The following BET1 variants were observed in gnomAD, a reference collection of about 807,000 sequenced individuals.
BET1 encodes the protein Bet1 golgi vesicular membrane trafficking protein.
Under a neutral mutation model 13.9 loss-of-function variants are expected in BET1, and 9 were observed. The observed-to-expected ratio is 0.65, with a 90% CI of 0.39 to 1.13. BET1 has a LOEUF of 1.13. Ranked by LOEUF, BET1 falls within the 50% of genes most tolerant of loss-of-function variation. BET1 has a pLI of 0.01. For synonymous variants in BET1, 39 were observed against 47.3 expected (o/e 0.82, Z 0.72); for missense variants, 127 against 133.6 (o/e 0.95, Z 0.24).
chr7:93,970,825 G>C (rs1056391224), intron 6 of BET1, among the ~76,000 whole-genome samples: 3 of 151,670 alleles, frequency 2.0e-5, no homozygotes, highest in African/African-American at 7.3e-5. Context: ...CAACCATTTA[G>C]TTTTTTTCTT....
exon 7 of BET1, chr7:93,965,614 T>G (rs1447153827): frequency 6.6e-6 from 1 of 152,036 alleles, no homozygotes; most frequent in Non-Finnish European, 1.5e-5. Context: ...AACAGATTCT[T>G]GAATAGAGTT....
exon 7 of BET1, chr7:93,965,550 G>A (rs1188309567): frequency 6.6e-6 from 1 of 152,004 alleles, no homozygotes; most frequent in Non-Finnish European, 1.5e-5. Flanking sequence ...GGCTAGAAGT[G>A]TTGGAAATAC....
chr7:93,994,658 G>A (rs1011919395), intron 3 of BET1, among the ~76,000 whole-genome samples: 2 of 152,068 alleles, frequency 1.3e-5, no homozygotes, highest in East Asian at 3.9e-4. Context: ...AACTATTTAG[G>A]TGTTATTCCA....
At chr7:93,983,979 A>C (rs1795477426) in intron 4 of BET1, among the ~76,000 whole-genome samples, 1 of 152,104 alleles carries the variant, frequency 6.6e-6, no homozygotes, top group Non-Finnish European at 1.5e-5. Context: ...TTAGTTTCCT[A>C]GGGACTCTAA....
intron 4 of BET1, among the ~76,000 whole-genome samples, chr7:93,980,669 G>A (rs1022227769): frequency 1.3e-5 from 2 of 152,072 alleles, no homozygotes; most frequent in African/African-American, 2.4e-5. Flanking sequence ...ATATTCAATG[G>A]GAAAAGTTGA....
downstream of BET1, among the ~76,000 whole-genome samples, chr7:93,989,845 T>C (rs533240338): frequency 6.6e-6 from 1 of 152,312 alleles, no homozygotes; most frequent in African/African-American, 2.4e-5. Flanking sequence ...AAATTTAAAT[T>C]ATTTAGCCAT....
intron 4 of BET1, among the ~76,000 whole-genome samples, chr7:93,982,577 A>G (rs1403990428): frequency 6.6e-6 from 1 of 152,148 alleles, no homozygotes; most frequent in Non-Finnish European, 1.5e-5. Context: ...TTGGGAATTT[A>G]TTCTCCACCT....
At position 93,967,497 on chromosome 7, in the gene BET1, TTAA is replaced by T. The variant is rs1299702177; in HGVS notation, c.*138-1813_*138-1811del. Among the ~76,000 whole-genome samples, 36 of 151,814 alleles carry T rather than the reference TTAA, an allele frequency of 2.4e-4. No homozygotes were observed. In the Admixed American group the frequency reaches 2.4e-3, roughly 10 times the overall value. On this transcript the variant is annotated intron_variant and NMD_transcript_variant, in intron 6 of 6. Transcript: ENST00000357520. The stretch of plus-strand genomic sequence containing the variant: ...ATTCTCATAGGATGAGATCTAAGAA[TTAA>T]TAAGACTGAAAGGAAACATTTAGAA...
At chr7:93,990,321 A>G (rs1259966641), downstream of BET1, among the ~76,000 whole-genome samples, 1 of 152,064 alleles carries the variant, frequency 6.6e-6, no homozygotes, top group Admixed American at 6.5e-5. Flanking sequence ...AAGCTTAATA[A>G]ATTACCAGCT....
chr7:93,994,394 G>C lies in BET1; in HGVS notation c.202-9C>G, dbSNP rs762228549. ...GAATCAAATTGTGAATCCTATCAGAGATAAAGGCAAATAAAATATCACAGT... is the reference window on the plus strand; with the variant it reads ...GAATCAAATTGTGAATCCTATCAGACATAAAGGCAAATAAAATATCACAGT... On this transcript the variant is annotated splice_polypyrimidine_tract_variant and intron_variant, in intron 3 of 3. Coordinates refer to ENST00000222547, the MANE Select transcript of BET1 (RefSeq NM_005868.6). 1.2e-6 allele frequency: 2 copies of C among 1,607,094 alleles called. No individual in the cohort carries two copies. The highest frequency in any genetic ancestry group is 2.7e-5 in the African/African-American group (2 of 74,484).
intron 1 of BET1, among the ~76,000 whole-genome samples, chr7:94,003,986 C>A (rs1052327432): frequency 6.6e-6 from 1 of 152,044 alleles, no homozygotes; most frequent in Non-Finnish European, 1.5e-5. Context: ...TCTAGCCTAC[C>A]ATCCAAACTT....
chr7:93,993,855 G>A lies in BET1; in HGVS notation c.*375C>T. 1 of 1,535,232 alleles carries A rather than the reference G, an allele frequency of 6.5e-7. No individual in the cohort carries two copies. ...TGACTACTTCAAGAGCTCAGAGTCAGGCTCTCCAGGCATTCTGTTACTCTC... is the reference window on the plus strand; with the variant it reads ...TGACTACTTCAAGAGCTCAGAGTCAAGCTCTCCAGGCATTCTGTTACTCTC... On this transcript the variant is annotated 3_prime_UTR_variant, in exon 4 of 4. Coordinates refer to ENST00000222547, the MANE Select transcript of BET1 (RefSeq NM_005868.6).
At chr7:93,983,497 C>A (rs79542394) in intron 4 of BET1, among the ~76,000 whole-genome samples, 3,903 of 152,116 alleles carry the variant, frequency 0.026, 166 homozygotes, top group African/African-American at 0.084. Flanking sequence ...ATGTTTTCTG[C>A]ATCAATGGTT....
exon 7 of BET1, chr7:93,963,097 C>T (rs1462827606): frequency 6.6e-6 from 1 of 152,104 alleles, no homozygotes; most frequent in Admixed American, 6.6e-5. Flanking sequence ...ATTCCCTAAC[C>T]AGTCAAAAGG....
intron 1 of BET1, among the ~76,000 whole-genome samples, chr7:94,001,210 G>C (rs756280975): frequency 5.3e-5 from 8 of 152,166 alleles, no homozygotes; most frequent in Non-Finnish European, 1.2e-4. Context: ...AAGAGAATAA[G>C]TTTGTTTGAC....
At chr7:93,985,987 T>TA (rs1188824782) in intron 4 of BET1, among the ~76,000 whole-genome samples, 2 of 152,202 alleles carry the variant, frequency 1.3e-5, no homozygotes, top group African/African-American at 4.8e-5. Context: ...TAAATGTTTT[T>TA]ATCTTTTTTC....
At chr7:93,986,224 T>C (rs1795525758) in intron 4 of BET1, among the ~76,000 whole-genome samples, 1 of 152,200 alleles carries the variant, frequency 6.6e-6, no homozygotes, top group Non-Finnish European at 1.5e-5. Flanking sequence ...TATAAAATAA[T>C]GTTTGAATTA....
intron 1 of BET1, chr7:93,999,559 A>C: frequency 2.2e-6 from 1 of 462,044 alleles, no homozygotes; most frequent in East Asian, 5.3e-5. Context: ...CAGAAGATAC[A>C]AAAATAGGTA....
chr7:93,976,197 A>G, intron 4 of BET1: 1 of 887,780 alleles, frequency 1.1e-6, no homozygotes, highest in Non-Finnish European at 1.4e-6. Flanking sequence ...CAGAAGAGTT[A>G]CAGAAAAACT....
Sources: allele counts gnomAD v4.1 joint callset (sites outside exome capture counted in the v4.1 genomes callset), GRCh38; gene constraint gnomAD v4.1.1; transcripts MANE v1.5; gene names NCBI Gene and HGNC (gene_info 2026-07-23, HGNC 2026-07-21).